Variants in DZANK1 observed in about 807,000 individuals in gnomAD.
DZANK1 encodes the protein double zinc ribbon and ankyrin repeat-containing protein 1.
Under a neutral mutation model 94.5 loss-of-function variants are expected in DZANK1, and 91 were observed. The ratio of observed to expected loss-of-function variants is 0.96; its 90% CI spans 0.81 to 1.15. The LOEUF (loss-of-function observed/expected upper bound fraction) is 1.15. Ranked by LOEUF, DZANK1 falls within the 50% of genes most tolerant of loss-of-function variation. DZANK1 has a pLI of 0.00. For missense variants in DZANK1, 903 were observed against 916.4 expected, an observed-to-expected ratio of 0.99 and a Z score of 0.19; for synonymous variants, 312 against 325.3, an observed-to-expected ratio of 0.96 and a Z score of 0.44.
chr20:18,453,519 G>A (rs1270690478), intron 5 of DZANK1, among the ~76,000 whole-genome samples: 1 of 152,182 alleles, frequency 6.6e-6, no homozygotes, highest in African/African-American at 2.4e-5. Context: ...AGTGGGTCAA[G>A]AAATCTAACT....
At chr20:18,449,307 A>C (rs763145519) in intron 6 of DZANK1, among the ~76,000 whole-genome samples, 6 of 152,188 alleles carry the variant, frequency 3.9e-5, no homozygotes, top group Non-Finnish European at 8.8e-5. Flanking sequence ...CTAGAAGCCC[A>C]AACCTCACCA....
intron 8 of DZANK1, among the ~76,000 whole-genome samples, chr20:18,437,044 G>T (rs2058551375): frequency 6.6e-6 from 1 of 152,150 alleles, no homozygotes; most frequent in Non-Finnish European, 1.5e-5. Context: ...AAGTTCTTCA[G>T]GCTGAAAGGA....
chr20:18,413,089 T>C (rs2057333867), intron 12 of DZANK1: 1 of 565,190 alleles, frequency 1.8e-6, no homozygotes, highest in African/African-American at 1.9e-5. Context: ...TCAAGGGGTG[T>C]TTGCCGGCCT....
Position 18,392,679 on chromosome 20 carries a change from C to T in DZANK1, c.1809+1032G>A, listed in dbSNP as rs1357728127. The stretch of plus-strand genomic sequence containing the variant: ...CTATTCTTGGCATATATTTTTAAAA[C>T]ACAAAACTCTAAAGATGTGGGAAAC... On this transcript the variant is annotated intron_variant, in intron 17 of 20. Transcript: ENST00000262547. Among the ~76,000 whole-genome samples, 3 of 152,212 alleles carry T rather than the reference C, an allele frequency of 2.0e-5. No individual in the cohort carries two copies. The East Asian group carries it at 5.8e-4, about 29-fold the overall frequency.
Position 18,460,400 on chromosome 20 carries a change from T to TTTAAGATTTAAAGTTGTGATTTAAG in DZANK1, c.110-119_110-95dup, listed in dbSNP as rs1240289190. On this transcript the variant is annotated intron_variant, in intron 2 of 20. Coordinates refer to ENST00000262547, the Ensembl canonical transcript of DZANK1. ...GTCAGTTTAAGATCTAAGTGTGTGA[T>TTTAAGATTTAAAGTTGTGATTTAAG]TTAAGATTTAAAGTTGTGATTTAAG... The TTTAAGATTTAAAGTTGTGATTTAAG allele has an allele frequency of 5.2e-5, 48 of 929,666 alleles. 1 individual carries two copies. The highest frequency in any genetic ancestry group is 4.2e-4 in the Admixed American group (13 of 31,214). The allele number at this position is 929,666 out of a possible 1,614,324, so 57.6% of individuals were successfully genotyped here.
rs546071316 is a variant in DZANK1 at position 18,441,836 on chromosome 20, G to A, written c.747+1511C>T. ...AAAGTTGCTACTGGGATGCCCCAAA[G>A]ACTATCTGGGAAGCTGGCTGGGGTG... On this transcript the variant is annotated intron_variant, in intron 8 of 20. Coordinates refer to ENST00000262547, the Ensembl canonical transcript of DZANK1. This position sits in a 1 kb window ranked among gnomAD's most constrained non-coding sequence, Gnocchi z 4.1. Among the ~76,000 whole-genome samples, 12 of 152,356 alleles carry A rather than the reference G, an allele frequency of 7.9e-5. No homozygotes were observed. Among genetic ancestry groups the A allele is most frequent in the Non-Finnish European group, 8.8e-5 (6 of 68,036 alleles).
intron 8 of DZANK1, chr20:18,434,034 A>G (rs972192594): frequency 2.7e-5 from 10 of 366,530 alleles, no homozygotes; most frequent in Non-Finnish European, 4.9e-5. Flanking sequence ...TTTGTATCAA[A>G]TAACACTATG....
chr20:18,445,252 A>C (rs1454803091), intron 7 of DZANK1, among the ~76,000 whole-genome samples: 1 of 152,270 alleles, frequency 6.6e-6, no homozygotes, highest in Non-Finnish European at 1.5e-5. Flanking sequence ...AGTTTATTTC[A>C]TAATGATAAA....
chr20:18,414,480 A>C (rs762798201), exon 12 of DZANK1: 3 of 1,612,648 alleles, frequency 1.9e-6, no homozygotes, highest in Admixed American at 3.4e-5. Context: ...CCCCACATTT[A>C]GGGCAAACAG....
Position 18,452,239 on chromosome 20 carries a change from C to T in DZANK1, c.543+376G>A, listed in dbSNP as rs547421832. Among the ~76,000 whole-genome samples the T allele has an allele frequency of 3.9e-5, 6 of 152,314 alleles. No homozygotes were observed. In the South Asian group the frequency reaches 6.2e-4, roughly 16 times the overall value. On this transcript the variant is annotated intron_variant, in intron 6 of 20. Coordinates refer to ENST00000262547, the Ensembl canonical transcript of DZANK1. ...CTCTGGCCCCAGCCACCTTCTCACT[C>T]ATCTCCCACCTTGCTCATCAGGCCT...
chr20:18,445,757 T>C (rs1408570596), intron 7 of DZANK1, among the ~76,000 whole-genome samples: 1 of 151,932 alleles, frequency 6.6e-6, no homozygotes, highest in East Asian at 1.9e-4. Flanking sequence ...AATATATATA[T>C]ACAAGGTTTT....
chr20:18,393,814 G>A lies in DZANK1; in HGVS notation c.1709-3C>T, dbSNP rs2056160466. 1 of 1,601,352 alleles carries A rather than the reference G, an allele frequency of 6.2e-7. No homozygotes were observed. On this transcript the variant is annotated splice_polypyrimidine_tract_variant and splice_region_variant and intron_variant, in intron 16 of 20. Transcript: ENST00000262547. ...GGTACTCTGGCTGTAGTCACTCACT[G>A]AAATGACACAGTTGGGGAAAAAAAT...
intron 14 of DZANK1, chr20:18,398,302 T>C: frequency 1.9e-6 from 1 of 521,724 alleles, no homozygotes; most frequent in East Asian, 3.1e-5. Flanking sequence ...AGAATTTTAT[T>C]GTCTTAGGTC....
chr20:18,399,703 G>A (rs868450001), intron 13 of DZANK1, among the ~76,000 whole-genome samples: 2 of 152,150 alleles, frequency 1.3e-5, no homozygotes, highest in Non-Finnish European at 2.9e-5. Flanking sequence ...GAGATTTCAC[G>A]TGAGTCTGGT....
chr20:18,428,061 G>A (rs2058125899), intron 9 of DZANK1, among the ~76,000 whole-genome samples: 1 of 151,020 alleles, frequency 6.6e-6, no homozygotes, highest in African/African-American at 2.4e-5. Flanking sequence ...TGAGGCAGGA[G>A]AATGGTGTGA....
intron 6 of DZANK1, among the ~76,000 whole-genome samples, chr20:18,450,109 T>TAAAC (rs1206420434): frequency 2.1e-3 from 194 of 94,422 alleles, no homozygotes; most frequent in East Asian, 3.0e-3. Context: ...AATAAATAAA[T>TAAAC]AAACAAACAA....
chr20:18,433,484 G>A (rs1274361469), intron 9 of DZANK1, 168 bp downstream of exon 9: 1 of 593,752 alleles, frequency 1.7e-6, no homozygotes, highest in East Asian at 3.0e-5. Context: ...GGAGGTTGCA[G>A]TGAGCTGAGA....
At chr20:18,389,952 C>T in intron 18 of DZANK1, 124 bp from the exon 19 acceptor site, 1 of 1,410,116 alleles carries the variant, frequency 7.1e-7, no homozygotes, top group South Asian at 1.4e-5. Flanking sequence ...GCTTTCAGAT[C>T]AAAGGAGAGG....
chr20:18,434,674 G>A (rs2058446344), intron 8 of DZANK1, among the ~76,000 whole-genome samples: 1 of 151,968 alleles, frequency 6.6e-6, no homozygotes, highest in Non-Finnish European at 1.5e-5. Context: ...CTGAACTGCA[G>A]AAAAGAACAC....
Sources: gnomAD v4.1 joint callset for allele counts (sites outside exome capture counted in the v4.1 genomes callset) on GRCh38, gnomAD v4.1.1 for gene constraint, Gnocchi (gnomAD v3.1) non-coding constraint, MANE v1.5 for transcripts, NCBI Gene and HGNC (gene_info 2026-07-23, HGNC 2026-07-21) for gene names.